Variants in RBFOX1 observed in about 807,000 individuals in gnomAD.
RBFOX1 encodes the protein RNA binding protein fox-1 homolog 1.
In RBFOX1, 8 loss-of-function variants were observed where a neutral mutation model predicts 57.7. That is an observed-to-expected ratio of 0.14 (90% CI 0.08 to 0.25). The LOEUF (loss-of-function observed/expected upper bound fraction) is 0.25, where lower values mean the gene tolerates loss of function less well. RBFOX1 is among the 10% of genes least tolerant of loss of function. RBFOX1 has a pLI of 1.00. For missense variants in RBFOX1, 611 were observed against 548.5 expected, an observed-to-expected ratio of 1.11 and a Z score of -1.14; for synonymous variants, 326 against 222.4, an observed-to-expected ratio of 1.47 and a Z score of -4.15.
chr16:6,218,373 A>G (rs2097349953), intron 1 of RBFOX1, among the ~76,000 whole-genome samples: 1 of 152,056 alleles, frequency 6.6e-6, no homozygotes, highest in South Asian at 2.1e-4. Flanking sequence ...CAGTGGCACA[A>G]TCTCGGCTCA....
At chr16:6,358,578 G>A (rs999063502) in intron 2 of RBFOX1, among the ~76,000 whole-genome samples, 2 of 152,128 alleles carry the variant, frequency 1.3e-5, no homozygotes, top group African/African-American at 4.8e-5. Context: ...CAATTACTAT[G>A]AGCCAGATTC....
intron 1 of RBFOX1, among the ~76,000 whole-genome samples, chr16:6,049,673 A>T (rs893053865): frequency 6.6e-6 from 1 of 152,110 alleles, no homozygotes; most frequent in Non-Finnish European, 1.5e-5. Context: ...CAAAAATGTC[A>T]TTGTTTTCTT....
intron 4 of RBFOX1, among the ~76,000 whole-genome samples, chr16:7,192,599 A>G (rs1307534651): frequency 6.6e-6 from 1 of 152,178 alleles, no homozygotes; most frequent in East Asian, 1.9e-4. Flanking sequence ...CAGACACACG[A>G]AAAGGGGGCC....
intron 2 of RBFOX1, among the ~76,000 whole-genome samples, chr16:5,579,988 C>A (rs1055300004): frequency 1.3e-5 from 2 of 152,110 alleles, no homozygotes; most frequent in African/African-American, 4.8e-5. Flanking sequence ...CTGGACTGGT[C>A]TTGAACCCCT....
chr16:6,407,571 G>C (rs866072860), intron 2 of RBFOX1, among the ~76,000 whole-genome samples: 67 of 143,006 alleles, frequency 4.7e-4, no homozygotes, highest in Admixed American at 4.8e-4. Context: ...GTGTGTGACA[G>C]AGAGAGAGAG....
intron 4 of RBFOX1, among the ~76,000 whole-genome samples, chr16:7,373,678 C>T (rs980672710): frequency 6.6e-6 from 1 of 151,816 alleles, no homozygotes; most frequent in Non-Finnish European, 1.5e-5. Flanking sequence ...CCTGTGTTGG[C>T]AGCAATAATT....
chr16:6,200,487 C>G (rs1167492114), intron 1 of RBFOX1, among the ~76,000 whole-genome samples: 2 of 152,104 alleles, frequency 1.3e-5, no homozygotes, highest in African/African-American at 4.8e-5. Context: ...TGCGATAACA[C>G]AACATATGTG....
intron 1 of RBFOX1, among the ~76,000 whole-genome samples, chr16:6,153,632 T>G (rs948594237): frequency 1.3e-5 from 2 of 152,024 alleles, no homozygotes; most frequent in Non-Finnish European, 2.9e-5. Context: ...GCCTCCCGGG[T>G]TCAAGTGATT....
At chr16:6,581,326 C>G (rs929559304) in intron 2 of RBFOX1, among the ~76,000 whole-genome samples, 1 of 152,162 alleles carries the variant, frequency 6.6e-6, no homozygotes, top group Non-Finnish European at 1.5e-5. Context: ...AAGCATGAAC[C>G]CAGCACCCTT....
At chr16:6,261,220 C>A (rs1281473078) in intron 1 of RBFOX1, among the ~76,000 whole-genome samples, 1 of 152,266 alleles carries the variant, frequency 6.6e-6, no homozygotes, top group East Asian at 1.9e-4. Flanking sequence ...GAAAAATTGG[C>A]AATTGTTTCT....
chr16:6,681,605 G>A (rs991769185), intron 3 of RBFOX1, among the ~76,000 whole-genome samples: 3 of 150,058 alleles, frequency 2.0e-5, no homozygotes, highest in Non-Finnish European at 3.0e-5. Context: ...AGTTAAAGCC[G>A]TAAACAAAGA....
At chr16:7,123,975 C>T (rs370129286) in intron 4 of RBFOX1, among the ~76,000 whole-genome samples, 207 of 152,240 alleles carry the variant, frequency 1.4e-3, no homozygotes, top group African/African-American at 4.4e-3. Context: ...TATTCTTCTA[C>T]ATAGGTCTTT....
At chr16:7,388,644 CTTTT>C (rs61629644) in intron 4 of RBFOX1, among the ~76,000 whole-genome samples, 963 of 92,588 alleles carry the variant, frequency 0.01, 2 homozygotes, top group Middle Eastern at 0.016. Context: ...GTTTCACTTA[CTTTT>C]TTTTTTTTTT....
chr16:5,655,276 ATT>A (rs1041432993), intron 3 of RBFOX1, among the ~76,000 whole-genome samples: 1 of 152,076 alleles, frequency 6.6e-6, no homozygotes, highest in Non-Finnish European at 1.5e-5. Context: ...ATGTTCTATG[ATT>A]TTTTTTGAGT....
At chr16:7,036,564 C>T (rs1477698113) in intron 3 of RBFOX1, among the ~76,000 whole-genome samples, 1 of 151,868 alleles carries the variant, frequency 6.6e-6, no homozygotes, top group East Asian at 1.9e-4. Context: ...ACTGTGGCGG[C>T]TGCCCATAAT....
At chr16:5,868,111 C>G (rs892653686) in intron 4 of RBFOX1, among the ~76,000 whole-genome samples, 2 of 152,178 alleles carry the variant, frequency 1.3e-5, no homozygotes, top group East Asian at 1.9e-4. Flanking sequence ...TCAGAAGTCA[C>G]CAGCAAGGTG....
At chr16:6,359,990 G>C (rs1219836973) in intron 2 of RBFOX1, among the ~76,000 whole-genome samples, 2 of 152,124 alleles carry the variant, frequency 1.3e-5, no homozygotes. Context: ...GTTAATTAGA[G>C]AATGTAGTGA....
rs576491082 is a variant in RBFOX1 at position 6,817,463 on chromosome 16, G to A, written c.-16+162813G>A. Among the ~76,000 whole-genome samples the A allele has an allele frequency of 7.9e-5, 12 of 151,196 alleles. No homozygotes were observed. In the South Asian group the frequency reaches 2.5e-3, roughly 32 times the overall value. Reference sequence around the variant, plus strand: ...AATCCCAACGCTTTGTGAGGCAGAGGCAGGCAGATTGGTTGAGGTCAAGAG... The same window carrying A: ...AATCCCAACGCTTTGTGAGGCAGAGACAGGCAGATTGGTTGAGGTCAAGAG... On this transcript the variant is annotated intron_variant, in intron 3 of 15. Transcript: ENST00000550418.
At chr16:6,000,468 G>A (rs1364273702) in intron 4 of RBFOX1, among the ~76,000 whole-genome samples, 1 of 152,174 alleles carries the variant, frequency 6.6e-6, no homozygotes, top group Non-Finnish European at 1.5e-5. Context: ...CATCTGGAGA[G>A]TATAAAATTG....
Sources: gnomAD v4.1 joint callset for allele counts (sites outside exome capture counted in the v4.1 genomes callset) on GRCh38, gnomAD v4.1.1 for gene constraint, MANE v1.5 for transcripts, NCBI Gene and HGNC (gene_info 2026-07-23, HGNC 2026-07-21) for gene names.